Variants in COL8A1 observed in about 807,000 individuals in gnomAD.
COL8A1 encodes the protein collagen alpha-1(VIII) chain.
Under a neutral mutation model 42.7 loss-of-function variants are expected in COL8A1, and 21 were observed. That is an observed-to-expected ratio of 0.49 (90% CI 0.35 to 0.71). The LOEUF (loss-of-function observed/expected upper bound fraction) is 0.71, where lower values mean the gene tolerates loss of function less well. Among genes scored for constraint, COL8A1 ranks in the 30% least tolerant of loss-of-function variants. COL8A1 has a pLI of 0.01. For missense variants in COL8A1, 788 were observed against 962.4 expected, an observed-to-expected ratio of 0.82 and a Z score of 2.40; for synonymous variants, 367 against 369.1, an observed-to-expected ratio of 0.99 and a Z score of 0.06.
chr3:99,674,705 T>C (rs1294232473), intron 1 of COL8A1, among the ~76,000 whole-genome samples: 1 of 152,104 alleles, frequency 6.6e-6, no homozygotes, highest in Admixed American at 6.6e-5. Context: ...AGAATTGCTT[T>C]CCTCAACAAC....
At chr3:99,698,628 C>T (rs1939446540) in intron 1 of COL8A1, among the ~76,000 whole-genome samples, 1 of 152,174 alleles carries the variant, frequency 6.6e-6, no homozygotes, top group Non-Finnish European at 1.5e-5. Flanking sequence ...AGAAAATATA[C>T]ACAATTAGAA....
intron 2 of COL8A1, among the ~76,000 whole-genome samples, chr3:99,749,122 C>T (rs1941090265): frequency 6.6e-6 from 1 of 152,056 alleles, no homozygotes; most frequent in Non-Finnish European, 1.5e-5. Context: ...ATGGAACAAT[C>T]TAACTGAAAG....
chr3:99,665,673 C>CTTTTTTTTTTT, intron 1 of COL8A1, among the ~76,000 whole-genome samples: 1 of 70,222 alleles, frequency 1.4e-5, no homozygotes, highest in Non-Finnish European at 2.6e-5. Context: ...TGAATTAATT[C>CTTTTTTTTTTT]TTTTTTTTTT....
intron 1 of COL8A1, among the ~76,000 whole-genome samples, chr3:99,717,841 A>G (rs946801645): frequency 2.6e-5 from 4 of 152,028 alleles, no homozygotes; most frequent in East Asian, 1.9e-4. Context: ...CTCAATTCAG[A>G]TACTCTCTGA....
At chr3:99,786,788 T>C (rs1285301279) in intron 2 of COL8A1, among the ~76,000 whole-genome samples, 1 of 152,178 alleles carries the variant, frequency 6.6e-6, no homozygotes, top group East Asian at 1.9e-4. Flanking sequence ...TCAATAGGTA[T>C]ATCTAATGAA....
chr3:99,675,274 T>G (rs889705728), intron 1 of COL8A1, among the ~76,000 whole-genome samples: 1 of 152,208 alleles, frequency 6.6e-6, no homozygotes, highest in East Asian at 1.9e-4. Context: ...AATGGCTATC[T>G]TTCCTTCCTT....
intron 2 of COL8A1, among the ~76,000 whole-genome samples, chr3:99,769,567 A>T (rs1210030057): frequency 6.6e-6 from 1 of 152,254 alleles, no homozygotes; most frequent in African/African-American, 2.4e-5. Flanking sequence ...TATGCTATAA[A>T]GGAGACAAAG....
chr3:99,721,726 G>A (rs1192338243), intron 1 of COL8A1, among the ~76,000 whole-genome samples: 4 of 152,104 alleles, frequency 2.6e-5, no homozygotes, highest in Non-Finnish European at 5.9e-5. Flanking sequence ...TAGGTTTGAT[G>A]AAGTACATTT....
chr3:99,643,107 A>T (rs1937539241), intron 1 of COL8A1, among the ~76,000 whole-genome samples: 2 of 152,216 alleles, frequency 1.3e-5, no homozygotes, highest in African/African-American at 4.8e-5. Flanking sequence ...CCAGATGAGT[A>T]CAGCACACCC....
chr3:99,705,729 A>G (rs536023559), intron 1 of COL8A1, among the ~76,000 whole-genome samples: 1 of 152,312 alleles, frequency 6.6e-6, no homozygotes, highest in South Asian at 2.1e-4. Context: ...ATTTATAAGA[A>G]GCAGGGAGAC....
At chr3:99,787,864 ACACACACACACCCACACC>A (rs1190922214) in intron 2 of COL8A1, among the ~76,000 whole-genome samples, 2 of 151,076 alleles carry the variant, frequency 1.3e-5, no homozygotes, top group Non-Finnish European at 2.9e-5. Context: ...AAATACACAC[ACACACACACACCCACACC>A]CACACACACA....
At chr3:99,788,801 T>C (rs1368998696) in intron 2 of COL8A1, among the ~76,000 whole-genome samples, 1 of 152,222 alleles carries the variant, frequency 6.6e-6, no homozygotes, top group Non-Finnish European at 1.5e-5. Flanking sequence ...ATGTATATGA[T>C]ATGTGCATAT....
chr3:99,766,967 G>A (rs1941476288), intron 2 of COL8A1, among the ~76,000 whole-genome samples: 2 of 150,644 alleles, frequency 1.3e-5, no homozygotes, highest in African/African-American at 2.4e-5. Context: ...AAAAAATGAT[G>A]TCCTCTAGGG....
intron 2 of COL8A1, among the ~76,000 whole-genome samples, chr3:99,752,942 C>T (rs1032411439): frequency 3.3e-5 from 5 of 152,086 alleles, no homozygotes; most frequent in African/African-American, 1.2e-4. Flanking sequence ...AGCCCTGGAG[C>T]CCGGCTCTGC....
chr3:99,767,777 A>T (rs1280563343), intron 2 of COL8A1, among the ~76,000 whole-genome samples: 1 of 152,238 alleles, frequency 6.6e-6, no homozygotes, highest in Non-Finnish European at 1.5e-5. Flanking sequence ...GAGGTGTAAG[A>T]TATTATAAAA....
At chr3:99,684,128 T>C (rs999878184) in intron 1 of COL8A1, among the ~76,000 whole-genome samples, 1 of 152,168 alleles carries the variant, frequency 6.6e-6, no homozygotes, top group Non-Finnish European at 1.5e-5. Flanking sequence ...AGGCCTGTCA[T>C]GTAGCAGGTG....
chr3:99,739,032 C>A (rs1477634094), intron 1 of COL8A1, among the ~76,000 whole-genome samples: 2 of 152,204 alleles, frequency 1.3e-5, no homozygotes, highest in Non-Finnish European at 2.9e-5. Flanking sequence ...AAAGGGAACT[C>A]CCTGACCCCT....
intron 1 of COL8A1, among the ~76,000 whole-genome samples, chr3:99,642,221 G>C (rs542872188): frequency 6.6e-6 from 1 of 152,122 alleles, no homozygotes; most frequent in South Asian, 2.1e-4. Context: ...GCTAATGAGA[G>C]ATCCCTCTAT....
At chr3:99,747,038 TA>T (rs1333930160) in intron 2 of COL8A1, among the ~76,000 whole-genome samples, 1 of 152,156 alleles carries the variant, frequency 6.6e-6, no homozygotes, top group Non-Finnish European at 1.5e-5. Flanking sequence ...CAAAAAAGCT[TA>T]AATATGAACA....
Sources: allele counts gnomAD v4.1 joint callset (sites outside exome capture counted in the v4.1 genomes callset), GRCh38; gene constraint gnomAD v4.1.1; transcripts MANE v1.5; gene names NCBI Gene and HGNC (gene_info 2026-07-23, HGNC 2026-07-21).